Variants in ZNF846 observed in about 807,000 individuals in gnomAD.
The protein encoded by ZNF846 is zinc finger protein 846, also known as zinc finger protein 420 pseudogene.
ZNF846 carries 15 observed loss-of-function variants against 16.0 expected under a neutral mutation model. The observed-to-expected ratio is 0.94, with a 90% CI of 0.63 to 1.45. The LOEUF (loss-of-function observed/expected upper bound fraction) is 1.45, where lower values mean the gene tolerates loss of function less well. ZNF846 is among the 40% of genes most tolerant of loss of function. The probability of loss-of-function intolerance (pLI) is 0.00; values close to 1 mark genes in which losing one functional copy is unlikely to be tolerated. For missense variants in ZNF846, 714 were observed against 622.3 expected, an observed-to-expected ratio of 1.15 and a Z score of -1.57; for synonymous variants, 229 against 212.0, an observed-to-expected ratio of 1.08 and a Z score of -0.70.
At chr19:9,775,036 C>A in intron 1 of ZNF846, 1 of 1,356,378 alleles carries the variant, frequency 7.4e-7, no homozygotes, top group Non-Finnish European at 1.0e-6. Context: ...CAAAGCAGGA[C>A]TCTGTGGAAA....
chr19:9,757,495 T>C (rs1163041609), exon 6 of ZNF846: 1 of 1,592,922 alleles, frequency 6.3e-7, no homozygotes, highest in Non-Finnish European at 8.5e-7. Flanking sequence ...TCACATGCCT[T>C]AGTTCTTAGA....
At chr19:9,777,468 C>T (rs1157810153) in intron 1 of ZNF846, among the ~76,000 whole-genome samples, 11 of 151,372 alleles carry the variant, frequency 7.3e-5, no homozygotes, top group African/African-American at 2.4e-4. Context: ...GTCAGGAGAT[C>T]GAGACCATCC....
chr19:9,759,592 G>C (rs1191778274), intron 5 of ZNF846, among the ~76,000 whole-genome samples: 3 of 151,728 alleles, frequency 2.0e-5, no homozygotes, highest in Non-Finnish European at 4.4e-5. Context: ...AACAGAGTAA[G>C]ACCTTGTCTC....
At chr19:9,759,819 C>T in intron 5 of ZNF846, 41 bp downstream of exon 5, 1 of 1,470,576 alleles carries the variant, frequency 6.8e-7, no homozygotes, top group Non-Finnish European at 9.4e-7. Context: ...TATTGTGCTT[C>T]TTGTCCTAGT....
At chr19:9,781,165 A>G (rs934408937) in intron 1 of ZNF846, among the ~76,000 whole-genome samples, 2 of 152,090 alleles carry the variant, frequency 1.3e-5, no homozygotes, top group African/African-American at 4.8e-5. Flanking sequence ...TTGAGATGGA[A>G]TCTCCCTCTG....
At chr19:9,769,121 G>C (rs2145275241), upstream of ZNF846, among the ~76,000 whole-genome samples, 1 of 152,292 alleles carries the variant, frequency 6.6e-6, no homozygotes, top group South Asian at 2.1e-4. Context: ...GCTCCGGTCT[G>C]TCGCCTAGGC....
chr19:9,765,756 T>G (rs1193411047), intron 1 of ZNF846, among the ~76,000 whole-genome samples: 1 of 152,020 alleles, frequency 6.6e-6, no homozygotes. Context: ...GCCTCCCAAT[T>G]GTAATACTAT....
exon 6 of ZNF846, chr19:9,757,743 G>A (rs878999634): frequency 6.2e-7 from 1 of 1,613,534 alleles, no homozygotes; most frequent in South Asian, 1.1e-5. Context: ...CTTTTCTCCA[G>A]TGTGAGTTCT....
intron 1 of ZNF846, among the ~76,000 whole-genome samples, chr19:9,783,784 G>A (rs2045530086): frequency 6.6e-6 from 1 of 151,178 alleles, no homozygotes; most frequent in Admixed American, 6.6e-5. Context: ...AACCTCCCAA[G>A]CTCAGGTGAT....
rs2045530559 is a variant in ZNF846 at position 9,783,830 on chromosome 19, A to C, written c.-86+2108T>G. On this transcript the variant is annotated intron_variant, in intron 1 of 4. Coordinates refer to the ZNF846 transcript ENST00000586814. Reference sequence around the variant, plus strand: ...CAGCCCCCCAAGTAGTTGGAACTACAGGCACAGTGCCACTATGCTTGGCTA... The same window carrying C: ...CAGCCCCCCAAGTAGTTGGAACTACCGGCACAGTGCCACTATGCTTGGCTA... Among the ~76,000 whole-genome samples, 3 of 151,810 alleles carry C rather than the reference A, an allele frequency of 2.0e-5. No homozygotes were observed. In the South Asian group the frequency reaches 6.2e-4, roughly 31 times the overall value.
intron 1 of ZNF846, among the ~76,000 whole-genome samples, chr19:9,778,708 C>T (rs986017179): frequency 9.6e-5 from 14 of 145,678 alleles, no homozygotes; most frequent in South Asian, 2.2e-4. Flanking sequence ...GAGGCTGAGA[C>T]GGGAGAATTG....
intron 1 of ZNF846, chr19:9,775,005 G>A: frequency 1.3e-6 from 2 of 1,556,078 alleles, no homozygotes; most frequent in Non-Finnish European, 1.8e-6. Context: ...GAGGCCCCAT[G>A]CAGTGCATTC....
chr19:9,774,673 AG>A, intron 1 of ZNF846: 1 of 1,474,006 alleles, frequency 6.8e-7, no homozygotes, highest in Non-Finnish European at 9.5e-7. Flanking sequence ...ACTTTCCAGC[AG>A]AGTATCCATT....
downstream of ZNF846, chr19:9,757,398 G>A (rs538203099): frequency 1.3e-4 from 154 of 1,185,536 alleles, no homozygotes; most frequent in Non-Finnish European, 1.7e-4. Context: ...TTCAGTGAAG[G>A]TTGTTCATAT....
At chr19:9,758,239 T>C in exon 6 of ZNF846, 1 of 1,613,402 alleles carries the variant, frequency 6.2e-7, no homozygotes, top group South Asian at 1.1e-5. Context: ...TTATATGGTT[T>C]TTCTCCACTG....
intron 3 of ZNF846, among the ~76,000 whole-genome samples, chr19:9,762,754 A>G (rs1248592224): frequency 6.6e-6 from 1 of 152,168 alleles, no homozygotes; most frequent in East Asian, 1.9e-4. Flanking sequence ...ATACACTAAC[A>G]CTAACGATCG....
chr19:9,775,071 T>C, intron 1 of ZNF846: 1 of 928,640 alleles, frequency 1.1e-6, no homozygotes, highest in Admixed American at 2.9e-5. Context: ...CGCCTGACAT[T>C]CACTTGTGGC....
At chr19:9,763,848 T>C (rs1379579525) in intron 2 of ZNF846, among the ~76,000 whole-genome samples, 1 of 152,170 alleles carries the variant, frequency 6.6e-6, no homozygotes, top group Non-Finnish European at 1.5e-5. Flanking sequence ...TTAGTAAACA[T>C]TGAGATAAAA....
At chr19:9,758,995 A>ATATT (rs534658459) in intron 5 of ZNF846, among the ~76,000 whole-genome samples, 140 of 151,652 alleles carry the variant, frequency 9.2e-4, no homozygotes, top group Non-Finnish European at 1.6e-3. Context: ...AATCTGTCTG[A>ATATT]TATTTATTTA....
Sources: gnomAD v4.1 joint callset for allele counts (sites outside exome capture counted in the v4.1 genomes callset) on GRCh38, gnomAD v4.1.1 for gene constraint, MANE v1.5 for transcripts, NCBI Gene and HGNC (gene_info 2026-07-23, HGNC 2026-07-21) for gene names.